Variants in SLC38A9 observed in about 807,000 individuals in gnomAD.
SLC38A9 encodes neutral amino acid transporter 9.
SLC38A9 carries 48 observed loss-of-function variants against 62.3 expected under a neutral mutation model. The ratio of observed to expected loss-of-function variants is 0.77; its 90% confidence interval spans 0.61 to 0.98. The LOEUF is 0.98. Ranked by LOEUF, SLC38A9 falls within the 50% of genes least tolerant of loss-of-function variation. The pLI is 0.00. For missense variants in SLC38A9, 541 were observed against 679.8 expected (o/e 0.80, Z 2.27); for synonymous variants, 204 against 227.7 (o/e 0.90, Z 0.94).
In SLC38A9 at chr5:55,691,195, C is replaced by A. The variant is rs77296801; in HGVS notation, c.113+6651G>T. On this transcript the variant is annotated intron_variant, in intron 3 of 15. Coordinates refer to ENST00000396865, the MANE Select transcript of SLC38A9 (RefSeq NM_173514.4). ...GTTAGGACTTCATATTTACCGGATTCTCCATGTTAAAATGCAAATAGCCAT... is the reference window on the plus strand; with the variant it reads ...GTTAGGACTTCATATTTACCGGATTATCCATGTTAAAATGCAAATAGCCAT... 1,415 of 877,182 alleles carry A rather than the reference C, an allele frequency of 1.6e-3. 13 individuals are homozygous for A. The African/African-American group carries it at 0.022, about 13-fold the overall frequency. The allele number at this position is 877,182 out of a possible 1,614,324, so 54.3% of individuals were successfully genotyped here. A position where few individuals can be genotyped will look rare whatever the true frequency, so the allele number is the denominator to read the frequency against.
chr5:55,673,849 C>T (rs2150368709), intron 3 of SLC38A9, among the ~76,000 whole-genome samples: 1 of 151,986 alleles, frequency 6.6e-6, no homozygotes, highest in South Asian at 2.1e-4. Flanking sequence ...GTAGCTGGGA[C>T]TACAGGTGTG....
At chr5:55,627,785 C>A in intron 15 of SLC38A9, 106 bp downstream of exon 15, 1 of 672,640 alleles carries the variant, frequency 1.5e-6, no homozygotes, top group Non-Finnish European at 2.6e-6. Flanking sequence ...GTTTTAAATA[C>A]TCATAGGAAT....
chr5:55,688,493 C>A (rs1754275956), intron 3 of SLC38A9, among the ~76,000 whole-genome samples: 2 of 150,466 alleles, frequency 1.3e-5, no homozygotes, highest in African/African-American at 2.4e-5. Context: ...CATTCTCCTG[C>A]CTCAGTCTCC....
chr5:55,678,645 CTTTTTTTTTTTTT>C (rs869297949), intron 3 of SLC38A9, among the ~76,000 whole-genome samples: 1 of 45,798 alleles, frequency 2.2e-5, no homozygotes, highest in Non-Finnish European at 4.3e-5. Flanking sequence ...CTGAAATGAA[CTTTTTTTTTTTTT>C]TTTTTTTTTT....
chr5:55,665,681 G>C (rs1750349958), intron 7 of SLC38A9, among the ~76,000 whole-genome samples: 1 of 151,844 alleles, frequency 6.6e-6, no homozygotes, highest in African/African-American at 2.4e-5. Flanking sequence ...AAGACAAACA[G>C]GGCTGGGCAT....
At chr5:55,672,470 AAG>A in intron 4 of SLC38A9, 91 bp downstream of exon 4, 3 of 1,412,140 alleles carry the variant, frequency 2.1e-6, no homozygotes, top group Non-Finnish European at 2.9e-6. Context: ...TACAGTCAGA[AAG>A]AAGTTCAATC....
chr5:55,656,977 C>T (rs1193493638), intron 8 of SLC38A9, among the ~76,000 whole-genome samples: 1 of 152,108 alleles, frequency 6.6e-6, no homozygotes, highest in African/African-American at 2.4e-5. Flanking sequence ...TCTCCTGCCT[C>T]AGCCTCCCGA....
chr5:55,651,883 G>C (rs535256446), intron 10 of SLC38A9, among the ~76,000 whole-genome samples: 1 of 151,048 alleles, frequency 6.6e-6, no homozygotes, highest in Non-Finnish European at 1.5e-5. Flanking sequence ...CGTGTATTTC[G>C]TCTAGTTGTA....
At chr5:55,696,676 CG>C (rs1755803814) in intron 3 of SLC38A9, 1 of 90,010 alleles carries the variant, frequency 1.1e-5, no homozygotes. Context: ...ACCTCCCGGA[CG>C]GGGCGGCTGG....
At chr5:55,698,925 G>A (rs1486137162) in intron 2 of SLC38A9, among the ~76,000 whole-genome samples, 1 of 147,290 alleles carries the variant, frequency 6.8e-6, no homozygotes, top group Non-Finnish European at 1.5e-5. Flanking sequence ...GGATGATGGA[G>A]TGAGACCCTG....
chr5:55,668,123 G>A (rs555616829), intron 7 of SLC38A9, among the ~76,000 whole-genome samples: 47 of 152,282 alleles, frequency 3.1e-4, no homozygotes, highest in African/African-American at 1.1e-3. Context: ...AGTGAGCTGT[G>A]ATAGCGCTGC....
intron 12 of SLC38A9, among the ~76,000 whole-genome samples, chr5:55,643,055 GT>G (rs1745687869): frequency 6.6e-6 from 1 of 152,168 alleles, no homozygotes; most frequent in Non-Finnish European, 1.5e-5. Flanking sequence ...TGTTTACAAG[GT>G]CAGAAGCTGT....
chr5:55,711,412 G>A lies in SLC38A9; in HGVS notation c.-35+40C>T, dbSNP rs1758031615. ...GGATAAGACACTGCCTGGGAGTCAT[G>A]ACAATTAGGTGTTGGTCGAGTTTGC... On this transcript the variant is annotated intron_variant, in intron 2 of 15. Transcript: ENST00000396865. The A allele has an allele frequency of 1.3e-5, 2 of 152,236 alleles. 1 individual carries two copies. The allele number at this position is 152,236 out of a possible 1,614,324, so 9.4% of individuals were successfully genotyped here.
Position 55,626,548 on chromosome 5 carries a change from G to A in SLC38A9, c.1632C>T (p.His544=), listed in dbSNP as rs747672719. The stretch of plus-strand genomic sequence containing the variant: ...CCACGCCCAAAATGATGATGAAAAC[G>A]TGGAAGATTAATTTAGGCCATGTCA... ...ERLTWPKLIF[H]VFIIILGVAN... Residue 544 remains histidine (H), a synonymous_variant, in exon 16 of 16, where the codon CAC becomes CAT. Transcript: ENST00000396865. The A allele has an allele frequency of 1.4e-5, 22 of 1,613,338 alleles. No individual in the cohort carries two copies. The highest frequency in any genetic ancestry group is 1.7e-5 in the Non-Finnish European group (20 of 1,179,686).
chr5:55,692,037 TAAGTA>T (rs1283618308), intron 3 of SLC38A9, among the ~76,000 whole-genome samples: 1 of 152,206 alleles, frequency 6.6e-6, no homozygotes, highest in Non-Finnish European at 1.5e-5. Context: ...AAACTGAGGA[TAAGTA>T]ATCTAAATAT....
At chr5:55,665,957 A>T (rs943972756) in intron 7 of SLC38A9, among the ~76,000 whole-genome samples, 4 of 152,198 alleles carry the variant, frequency 2.6e-5, no homozygotes, top group Non-Finnish European at 4.4e-5. Context: ...AAAAGAATAC[A>T]GAAAGTATAT....
chr5:55,635,276 T>C, intron 13 of SLC38A9: 1 of 482,958 alleles, frequency 2.1e-6, no homozygotes, highest in South Asian at 2.2e-5. Flanking sequence ...TTTATTTGAG[T>C]ACCACAAGGT....
chr5:55,636,139 A>T (rs1340004581), intron 12 of SLC38A9, among the ~76,000 whole-genome samples: 1 of 152,230 alleles, frequency 6.6e-6, no homozygotes, highest in East Asian at 1.9e-4. Context: ...AACATACTAA[A>T]ATATATTTAA....
intron 2 of SLC38A9, among the ~76,000 whole-genome samples, chr5:55,710,289 G>A (rs1484856073): frequency 1.1e-4 from 16 of 148,250 alleles, no homozygotes; most frequent in African/African-American, 2.2e-4. Flanking sequence ...TGCAACCTCC[G>A]CCTGCCGGGC....
Sources: gnomAD v4.1 joint callset for allele counts (sites outside exome capture counted in the v4.1 genomes callset) on GRCh38, gnomAD v4.1.1 for gene constraint, MANE v1.5 for transcripts, NCBI Gene and HGNC (gene_info 2026-07-23, HGNC 2026-07-21) for gene names.